The following MBOAT2 variants were observed in gnomAD, a reference collection of about 807,000 sequenced individuals.
MBOAT2 encodes membrane-bound glycerophospholipid O-acyltransferase 2.
Under a neutral mutation model 63.4 loss-of-function variants are expected in MBOAT2, and 28 were observed. That is an observed-to-expected ratio of 0.44 (90% CI 0.33 to 0.61). MBOAT2 has a LOEUF of 0.61. Among genes scored for constraint, MBOAT2 ranks in the 20% least tolerant of loss-of-function variants. The probability of loss-of-function intolerance (pLI) is 0.03; values close to 1 mark genes in which losing one functional copy is unlikely to be tolerated. For missense variants in MBOAT2, 470 were observed against 605.8 expected (o/e 0.78, Z 2.35); for synonymous variants, 211 against 215.6 (o/e 0.98, Z 0.19).
intron 2 of MBOAT2, among the ~76,000 whole-genome samples, chr2:8,952,279 G>A (rs1441119395): frequency 6.6e-6 from 1 of 152,202 alleles, no homozygotes; most frequent in Non-Finnish European, 1.5e-5. Context: ...TGTGGTCCAA[G>A]AGTATAGATA....
At chr2:8,899,829 T>A (rs201752808) in intron 4 of MBOAT2, among the ~76,000 whole-genome samples, 121 of 143,000 alleles carry the variant, frequency 8.5e-4, no homozygotes, top group Admixed American at 1.0e-3. Context: ...TGATCTCGCT[T>A]TTCCTTTTGG....
Position 8,868,459 on chromosome 2 carries a change from A to G in MBOAT2, c.974T>C (p.Ile325Thr), listed in dbSNP as rs1662061273. ...AGATTGACTCACCTCTATTTGTTGA[A>G]TTCTCAAATTGGAAATTAAGTCCCA... is the stretch of plus-strand genomic sequence containing the variant. ...ARWDLISNLR[I>T]QQIEMSTSFK... Residue 325 changes from isoleucine (I) to threonine (T), a missense_variant, in exon 9 of 13, where the codon ATT (isoleucine) becomes ACT (threonine). Ile to Thr is a moderately conservative substitution (Grantham distance 89). This residue lies in a region of MBOAT2 where 376 missense variants were observed against 503.8 expected (regional missense o/e 0.75). Transcript: ENST00000305997. 1 of 1,613,878 alleles carries G rather than the reference A, an allele frequency of 6.2e-7. No individual in the cohort carries two copies. Among genetic ancestry groups the G allele is most frequent in the Non-Finnish European group, 8.5e-7 (1 of 1,179,858 alleles).
At chr2:8,938,199 T>G (rs971933964) in intron 3 of MBOAT2, among the ~76,000 whole-genome samples, 24 of 152,226 alleles carry the variant, frequency 1.6e-4, no homozygotes, top group African/African-American at 5.8e-4. Flanking sequence ...TCTGTATCTC[T>G]GTTCCCTTAG....
At chr2:8,903,679 C>T (rs931019245) in intron 4 of MBOAT2, among the ~76,000 whole-genome samples, 7 of 152,190 alleles carry the variant, frequency 4.6e-5, no homozygotes, top group East Asian at 1.9e-4. Flanking sequence ...GCTTTCCCCA[C>T]GGATTTCTGA....
chr2:8,932,758 A>G (rs1025980029), intron 3 of MBOAT2, among the ~76,000 whole-genome samples: 1 of 151,936 alleles, frequency 6.6e-6, no homozygotes, highest in Non-Finnish European at 1.5e-5. Flanking sequence ...TTTAGGAGAA[A>G]AAAAAAAAAA....
chr2:8,995,676 T>C (rs763176458), intron 1 of MBOAT2, among the ~76,000 whole-genome samples: 12 of 151,072 alleles, frequency 7.9e-5, no homozygotes, highest in Non-Finnish European at 1.5e-4. Context: ...CTGCAAGCTC[T>C]GCCTCCCGGG....
intron 1 of MBOAT2, among the ~76,000 whole-genome samples, chr2:8,979,963 C>T (rs1166945708): frequency 6.6e-6 from 1 of 152,002 alleles, no homozygotes; most frequent in Admixed American, 6.6e-5. Flanking sequence ...CTATGGACTG[C>T]CAGAATATCA....
At chr2:8,978,215 C>T (rs1029771852) in intron 1 of MBOAT2, among the ~76,000 whole-genome samples, 27 of 152,046 alleles carry the variant, frequency 1.8e-4, no homozygotes, top group Admixed American at 9.2e-4. Flanking sequence ...ATATATTGAC[C>T]GTCTCCAACA....
At chr2:8,971,333 C>CTT (rs1239616544) in intron 1 of MBOAT2, among the ~76,000 whole-genome samples, 1 of 152,196 alleles carries the variant, frequency 6.6e-6, no homozygotes, top group African/African-American at 2.4e-5. Flanking sequence ...GTGCTAAAAA[C>CTT]TCTCAATAAA....
At chr2:8,984,630 A>G (rs1047508328) in intron 1 of MBOAT2, among the ~76,000 whole-genome samples, 3 of 152,172 alleles carry the variant, frequency 2.0e-5, no homozygotes, top group Admixed American at 6.5e-5. Context: ...AGGATGTACT[A>G]GTACAGAAAG....
At chr2:8,887,960 C>T (rs902741027) in intron 5 of MBOAT2, 58 bp downstream of exon 5, 126 of 1,499,444 alleles carry the variant, frequency 8.4e-5, no homozygotes, top group Non-Finnish European at 1.2e-4. Context: ...ATATCTCAAG[C>T]AAAAGATTAT....
chr2:8,904,884 TCA>T (rs1665217935), intron 4 of MBOAT2, among the ~76,000 whole-genome samples: 1 of 152,198 alleles, frequency 6.6e-6, no homozygotes, highest in Non-Finnish European at 1.5e-5. Flanking sequence ...CCAAACAACT[TCA>T]GTAGCTTTTC....
chr2:8,867,057 TTTTC>T (rs1248746053), intron 9 of MBOAT2, among the ~76,000 whole-genome samples: 2 of 152,118 alleles, frequency 1.3e-5, no homozygotes, highest in East Asian at 3.9e-4. Context: ...AAAACAATGG[TTTTC>T]TTTTTTTTTT....
intron 1 of MBOAT2, among the ~76,000 whole-genome samples, chr2:8,993,030 G>A (rs1187778452): frequency 6.6e-6 from 1 of 152,078 alleles, no homozygotes; most frequent in Non-Finnish European, 1.5e-5. Context: ...CCTACTAAAG[G>A]GACACTAAAA....
At chr2:8,938,859 T>C (rs962446758) in intron 3 of MBOAT2, among the ~76,000 whole-genome samples, 2 of 152,234 alleles carry the variant, frequency 1.3e-5, no homozygotes, top group Admixed American at 6.5e-5. Context: ...TGCTACCTCT[T>C]CAGCTACTTA....
chr2:8,946,740 G>A (rs1254185653), intron 2 of MBOAT2, among the ~76,000 whole-genome samples: 1 of 152,212 alleles, frequency 6.6e-6, no homozygotes, highest in Non-Finnish European at 1.5e-5. Context: ...ACCACAAACT[G>A]TGCCCACATA....
Position 8,853,930 on chromosome 2 carries a change from A to G in MBOAT2, c.*4749T>C, listed in dbSNP as rs1572889456. ...ATTGGGATTTGCATAATGTTAAAAAACCTATTAAAATAAATATTATTTTAA... is the reference window on the plus strand; with the variant it reads ...ATTGGGATTTGCATAATGTTAAAAAGCCTATTAAAATAAATATTATTTTAA... On this transcript the variant is annotated 3_prime_UTR_variant, in exon 13 of 13. Transcript: ENST00000305997. The G allele has an allele frequency of 6.6e-6, 1 of 152,172 alleles. No individual in the cohort carries two copies. The highest frequency in any genetic ancestry group is 1.9e-4 in the East Asian group (1 of 5,196). The allele number at this position is 152,172 out of a possible 1,614,324, so 9.4% of individuals were successfully genotyped here. A position where few individuals can be genotyped will look rare whatever the true frequency, so the allele number is the denominator to read the frequency against.
At chr2:8,926,440 G>C (rs990934938) in intron 3 of MBOAT2, among the ~76,000 whole-genome samples, 1 of 152,224 alleles carries the variant, frequency 6.6e-6, no homozygotes, top group Non-Finnish European at 1.5e-5. Flanking sequence ...AGGGGGAAAA[G>C]GCCTCGCCAC....
At chr2:8,953,394 A>G (rs766931916) in intron 2 of MBOAT2, among the ~76,000 whole-genome samples, 3 of 152,160 alleles carry the variant, frequency 2.0e-5, no homozygotes, top group Non-Finnish European at 2.9e-5. Context: ...TTGACCTTGG[A>G]CAGTCTGGTG....
Sources: gnomAD v4.1 joint callset for allele counts (sites outside exome capture counted in the v4.1 genomes callset) on GRCh38, gnomAD v4.1.1 for gene constraint, gnomAD v4.1.1 regional missense constraint, MANE v1.5 for transcripts, NCBI Gene and HGNC (gene_info 2026-07-23, HGNC 2026-07-21) for gene names.